Variants in STAC observed in about 807,000 individuals in gnomAD.
STAC encodes SH3 and cysteine-rich domain-containing protein.
STAC carries 43 observed loss-of-function variants against 48.8 expected under a neutral mutation model. That is an observed-to-expected ratio of 0.88 (90% CI 0.69 to 1.14). The LOEUF (loss-of-function observed/expected upper bound fraction) is 1.14. Among genes scored for constraint, STAC ranks in the 50% most tolerant of loss-of-function variants. STAC has a pLI of 0.00. For synonymous variants in STAC, 193 were observed against 179.5 expected (o/e 1.07, Z -0.60); for missense variants, 497 against 504.0 (o/e 0.99, Z 0.13).
At chr3:36,420,945 C>T (rs1216589996) in intron 1 of STAC, among the ~76,000 whole-genome samples, 1 of 152,126 alleles carries the variant, frequency 6.6e-6, no homozygotes, top group Admixed American at 6.5e-5. Context: ...TTTCCCAATG[C>T]TTTTGTTTTC....
At chr3:36,533,663 C>A (rs1370232175) in intron 10 of STAC, among the ~76,000 whole-genome samples, 2 of 151,920 alleles carry the variant, frequency 1.3e-5, no homozygotes, top group Non-Finnish European at 2.9e-5. Context: ...TTGGCATATT[C>A]CCCACAATTT....
intron 1 of STAC, among the ~76,000 whole-genome samples, chr3:36,411,684 A>G (rs1034947535): frequency 2.6e-5 from 4 of 152,210 alleles, no homozygotes; most frequent in African/African-American, 9.6e-5. Flanking sequence ...AGAGGTCCCC[A>G]GGTTGTAGGT....
chr3:36,434,649 T>C (rs1444686310), intron 1 of STAC, among the ~76,000 whole-genome samples: 1 of 152,230 alleles, frequency 6.6e-6, no homozygotes, highest in Non-Finnish European at 1.5e-5. Flanking sequence ...GCAGACTCTT[T>C]GCATCAGAAC....
intron 1 of STAC, among the ~76,000 whole-genome samples, chr3:36,396,809 A>G (rs1025944852): frequency 3.3e-5 from 5 of 152,168 alleles, no homozygotes; most frequent in African/African-American, 4.8e-5. Flanking sequence ...TCTGAATGCC[A>G]GTTATTGAAC....
intron 2 of STAC, chr3:36,459,401 A>C (rs1696941055): frequency 6.6e-6 from 1 of 152,218 alleles, no homozygotes; most frequent in African/African-American, 2.4e-5. Flanking sequence ...GATGAATAGG[A>C]GTTAATGACT....
intron 2 of STAC, among the ~76,000 whole-genome samples, chr3:36,456,620 C>A (rs983584555): frequency 2.0e-5 from 3 of 152,112 alleles, no homozygotes; most frequent in Admixed American, 6.5e-5. Context: ...TGCCCAGATG[C>A]CTTCTTGGTG....
chr3:36,404,394 T>A (rs1290900755), intron 1 of STAC, among the ~76,000 whole-genome samples: 1 of 152,170 alleles, frequency 6.6e-6, no homozygotes, highest in Non-Finnish European at 1.5e-5. Context: ...TAATGAAACC[T>A]ATTTCAAAGG....
chr3:36,532,792 G>A (rs984709210), intron 10 of STAC, among the ~76,000 whole-genome samples: 10 of 152,040 alleles, frequency 6.6e-5, no homozygotes. Flanking sequence ...CTAGCCCCTG[G>A]CTCACAGAAA....
Position 36,442,309 on chromosome 3 carries a change from A to G in STAC, c.112-1055A>G, listed in dbSNP as rs373672162. Among the ~76,000 whole-genome samples the G allele has an allele frequency of 2.0e-4, 31 of 152,330 alleles. No homozygotes were observed. The East Asian group carries it at 4.4e-3, about 22-fold the overall frequency. On this transcript the variant is annotated intron_variant, in intron 1 of 10. Transcript: ENST00000273183. ...TTTTTTCTGCAGCTCTGGGCCATAC[A>G]TGTTTATTCCAGGCAAAAGAAAGAA...
At chr3:36,393,190 T>G (rs1482350403) in intron 1 of STAC, among the ~76,000 whole-genome samples, 2 of 152,136 alleles carry the variant, frequency 1.3e-5, no homozygotes, top group Non-Finnish European at 2.9e-5. Context: ...ATTAAATCAG[T>G]GAATTTACCC....
chr3:36,498,250 A>G (rs1390721110), intron 6 of STAC, among the ~76,000 whole-genome samples: 2 of 152,212 alleles, frequency 1.3e-5, no homozygotes, highest in Non-Finnish European at 2.9e-5. Flanking sequence ...GTCAAATAGA[A>G]CTTCGAGAAT....
intron 10 of STAC, among the ~76,000 whole-genome samples, chr3:36,533,343 C>T (rs1363864477): frequency 2.0e-5 from 3 of 152,162 alleles, no homozygotes; most frequent in African/African-American, 4.8e-5. Context: ...CATGCCAACA[C>T]TTCAACCTTC....
intron 6 of STAC, among the ~76,000 whole-genome samples, chr3:36,501,153 T>G (rs1387584031): frequency 1.3e-5 from 2 of 152,108 alleles, no homozygotes; most frequent in East Asian, 3.9e-4. Context: ...TGGAATATAT[T>G]TAAAGCTAAA....
intron 2 of STAC, among the ~76,000 whole-genome samples, chr3:36,453,822 CCGAT>C (rs1435497985): frequency 3.3e-5 from 5 of 152,190 alleles, no homozygotes; most frequent in Admixed American, 2.0e-4. Flanking sequence ...TGTAAACACA[CCGAT>C]CGGCACTCTG....
chr3:36,423,099 T>A lies in STAC; in HGVS notation c.112-20265T>A, dbSNP rs73830337. Among the ~76,000 whole-genome samples the A allele has an allele frequency of 4.0e-3, 614 of 152,202 alleles. 5 individuals carry two copies. The highest frequency in any genetic ancestry group is 0.013 in the African/African-American group (540 of 41,544). ...TCATCTGTTTCCCTGGGACATCTCA[T>A]AATCTCCATGGTTGAATGGGGTCTC... On this transcript the variant is annotated intron_variant, in intron 1 of 10. Transcript: ENST00000273183.
At chr3:36,456,565 G>A (rs1007722164) in intron 2 of STAC, among the ~76,000 whole-genome samples, 12 of 152,090 alleles carry the variant, frequency 7.9e-5, no homozygotes, top group Non-Finnish European at 1.6e-4. Flanking sequence ...GGGCCTCCCT[G>A]CTGTCTGGAG....
chr3:36,398,425 A>AG (rs1210289887), intron 1 of STAC, among the ~76,000 whole-genome samples: 15 of 20,680 alleles, frequency 7.3e-4, no homozygotes, highest in Non-Finnish European at 1.7e-3. Context: ...GGAAGGAAGG[A>AG]AGGAAGGAAG....
chr3:36,445,336 T>A (rs1696478607), intron 2 of STAC, among the ~76,000 whole-genome samples: 2 of 151,518 alleles, frequency 1.3e-5, no homozygotes, highest in Non-Finnish European at 2.9e-5. Context: ...TGCCATTTTA[T>A]CTTTATAAAG....
intron 2 of STAC, among the ~76,000 whole-genome samples, chr3:36,444,324 A>G (rs1356339282): frequency 6.6e-6 from 1 of 152,194 alleles, no homozygotes; most frequent in Admixed American, 6.5e-5. Context: ...GCCACCCTAA[A>G]AAGTAGTTTT....
Sources: gnomAD v4.1 joint callset for allele counts (sites outside exome capture counted in the v4.1 genomes callset) on GRCh38, gnomAD v4.1.1 for gene constraint, MANE v1.5 for transcripts, NCBI Gene and HGNC (gene_info 2026-07-23, HGNC 2026-07-21) for gene names.